MICU1: variants seen among roughly 807,000 people sequenced by gnomAD.
MICU1 encodes the protein mitochondrial calcium uptake 1, also known as calcium uptake protein 1, mitochondrial.
In MICU1, 45 loss-of-function variants were observed where a neutral mutation model predicts 56.8. The observed-to-expected ratio is 0.79, with a 90% CI of 0.62 to 1.02. MICU1 has a LOEUF of 1.02. Among genes scored for constraint, MICU1 ranks in the 50% least tolerant of loss-of-function variants. The probability of loss-of-function intolerance (pLI) is 0.00; values close to 1 mark genes in which losing one functional copy is unlikely to be tolerated. For missense variants in MICU1, 504 were observed against 587.1 expected (o/e 0.86, Z 1.46); for synonymous variants, 186 against 195.1 (o/e 0.95, Z 0.39).
intron 8 of MICU1, among the ~76,000 whole-genome samples, chr10:72,436,055 T>A (rs574568387): frequency 3.9e-5 from 6 of 152,208 alleles, no homozygotes; most frequent in Non-Finnish European, 2.9e-5. Flanking sequence ...AGCACGGCGT[T>A]TGAGCTCTGA....
At chr10:72,461,041 C>T (rs574459591) in intron 8 of MICU1, among the ~76,000 whole-genome samples, 19 of 152,138 alleles carry the variant, frequency 1.2e-4, no homozygotes, top group Middle Eastern at 3.4e-3. Context: ...ATCTAGAGGC[C>T]AAATTTGATC....
intron 10 of MICU1, among the ~76,000 whole-genome samples, chr10:72,393,958 A>G (rs1362171293): frequency 6.6e-6 from 1 of 152,108 alleles, no homozygotes; most frequent in Admixed American, 6.5e-5. Context: ...TAGTAGAGAC[A>G]GGGTTTCACC....
chr10:72,439,973 C>A (rs549619443), intron 8 of MICU1, among the ~76,000 whole-genome samples: 3 of 152,220 alleles, frequency 2.0e-5, no homozygotes, highest in African/African-American at 7.2e-5. Flanking sequence ...GCCATACTGC[C>A]CAAGGTAATT....
intron 1 of MICU1, among the ~76,000 whole-genome samples, chr10:72,567,781 A>G (rs944086305): frequency 6.6e-6 from 1 of 152,186 alleles, no homozygotes; most frequent in African/African-American, 2.4e-5. Flanking sequence ...TATAGAAGCA[A>G]GCCACAAAGG....
intron 8 of MICU1, among the ~76,000 whole-genome samples, chr10:72,442,109 C>T (rs568953110): frequency 6.6e-6 from 1 of 152,256 alleles, no homozygotes; most frequent in South Asian, 2.1e-4. Context: ...AATTAGTCAT[C>T]AGCTCCCTAA....
intron 8 of MICU1, among the ~76,000 whole-genome samples, chr10:72,440,003 C>A (rs1213267152): frequency 6.6e-6 from 1 of 152,114 alleles, no homozygotes; most frequent in Non-Finnish European, 1.5e-5. Context: ...AATGCCATCC[C>A]CATGAAGCTA....
chr10:72,604,333 T>C (rs1454649619), intron 1 of MICU1, among the ~76,000 whole-genome samples: 4 of 118,166 alleles, frequency 3.4e-5, no homozygotes, highest in African/African-American at 6.4e-5. Context: ...CAGCGCAATG[T>C]TGTGATCTCG....
intron 8 of MICU1, among the ~76,000 whole-genome samples, chr10:72,465,088 C>T (rs1865748573): frequency 1.3e-5 from 2 of 152,012 alleles, no homozygotes; most frequent in African/African-American, 4.8e-5. Flanking sequence ...GCAACCTCCA[C>T]CTCCTGGGTT....
At chr10:72,602,719 T>A (rs1226238512) in intron 1 of MICU1, among the ~76,000 whole-genome samples, 1 of 152,200 alleles carries the variant, frequency 6.6e-6, no homozygotes. Flanking sequence ...ATGCAGCATA[T>A]CTTATGGACT....
chr10:72,439,083 C>T (rs1864831748), intron 8 of MICU1, among the ~76,000 whole-genome samples: 3 of 152,136 alleles, frequency 2.0e-5, no homozygotes, highest in South Asian at 4.1e-4. Context: ...GAAAGCCTGG[C>T]AGAGACACAA....
intron 2 of MICU1, among the ~76,000 whole-genome samples, chr10:72,564,557 A>AG (rs1437504112): frequency 6.6e-6 from 1 of 150,740 alleles, no homozygotes; most frequent in Non-Finnish European, 1.5e-5. Flanking sequence ...AAAAAAAAAA[A>AG]AAAAAAGAAA....
At chr10:72,477,596 T>G in intron 6 of MICU1, 1 of 1,496,364 alleles carries the variant, frequency 6.7e-7, no homozygotes, top group Non-Finnish European at 9.0e-7. Flanking sequence ...CAATATGGTA[T>G]TACTTATCTG....
intron 10 of MICU1, among the ~76,000 whole-genome samples, chr10:72,380,815 C>T (rs1307979972): frequency 1.3e-5 from 2 of 152,120 alleles, no homozygotes; most frequent in Admixed American, 6.6e-5. Context: ...GAATCTGTCA[C>T]CCTGAGGAGA....
chr10:72,606,791 T>C (rs1179523452), intron 1 of MICU1, among the ~76,000 whole-genome samples: 2 of 152,024 alleles, frequency 1.3e-5, no homozygotes, highest in African/African-American at 4.8e-5. Flanking sequence ...GTTGGTACTT[T>C]CAGTCTGGGT....
intron 10 of MICU1, among the ~76,000 whole-genome samples, chr10:72,381,237 G>A (rs924656520): frequency 2.0e-5 from 3 of 152,150 alleles, no homozygotes; most frequent in Admixed American, 6.5e-5. Flanking sequence ...TACTATTCCT[G>A]CCTTACCGGA....
chr10:72,603,386 C>CAAA (rs59129933), intron 1 of MICU1, among the ~76,000 whole-genome samples: 168 of 129,616 alleles, frequency 1.3e-3, no homozygotes, highest in South Asian at 2.8e-3. Context: ...GACTCTGTCT[C>CAAA]AAAAAAAAAA....
At chr10:72,434,321 G>T (rs1864640234) in intron 8 of MICU1, among the ~76,000 whole-genome samples, 1 of 152,070 alleles carries the variant, frequency 6.6e-6, no homozygotes, top group South Asian at 2.1e-4. Context: ...AAACTTGTTG[G>T]TTATCTTTCC....
At chr10:72,508,493 T>C (rs1039432662) in intron 5 of MICU1, 17 of 329,092 alleles carry the variant, frequency 5.2e-5, no homozygotes, top group Non-Finnish European at 8.8e-5. Context: ...ATATGAACAT[T>C]AGAAAATAAT....
intron 5 of MICU1, chr10:72,508,769 T>G (rs1163177568): frequency 6.6e-6 from 1 of 152,628 alleles, no homozygotes; most frequent in Non-Finnish European, 1.5e-5. Flanking sequence ...CTAATTTTAC[T>G]TGATAGCCCC....
Sources: gnomAD v4.1 joint callset for allele counts (sites outside exome capture counted in the v4.1 genomes callset) on GRCh38, gnomAD v4.1.1 for gene constraint, MANE v1.5 for transcripts, NCBI Gene and HGNC (gene_info 2026-07-23, HGNC 2026-07-21) for gene names.